MPO: variants seen among roughly 807,000 people sequenced by gnomAD.
MPO encodes the protein myeloperoxidase.
A neutral mutation model predicts 69.4 loss-of-function variants in MPO; 57 were observed. That is an observed-to-expected ratio of 0.82 (90% CI 0.66 to 1.02). The LOEUF is 1.02. Ranked by LOEUF, MPO falls within the 50% of genes least tolerant of loss-of-function variation. The probability of loss-of-function intolerance (pLI) is 0.00; values close to 1 mark genes in which losing one functional copy is unlikely to be tolerated. For missense variants in MPO, 971 were observed against 1,014.1 expected (o/e 0.96, Z 0.58); for synonymous variants, 426 against 417.1 (o/e 1.02, Z -0.26).
At chr17:58,272,577 G>T (rs1193911665) in intron 10 of MPO, among the ~76,000 whole-genome samples, 171 bp downstream of exon 10, 1 of 152,212 alleles carries the variant, frequency 6.6e-6, no homozygotes, top group African/African-American at 2.4e-5. Context: ...AATTTATCAG[G>T]TGGGTCCGGG....
rs1970429167 is a variant in MPO at position 58,275,783 on chromosome 17, CA to C, written c.1205-82del. 1.9e-6 allele frequency: 3 copies of C among 1,554,930 alleles called. No individual in the cohort carries two copies. Among genetic ancestry groups the C allele is most frequent in the Non-Finnish European group, 2.6e-6 (3 of 1,140,504 alleles). On this transcript the variant is annotated intron_variant, in intron 7 of 11. Transcript: ENST00000225275. The surrounding 1 kb of genome is among the most constrained non-coding windows in gnomAD (Gnocchi z 4.1). ...GCTCCACTGAAACCCCCTCCCCAGCCAAGGCCTGAAATGCCTCCTACTCACC... is the reference window on the plus strand; with the variant it reads ...GCTCCACTGAAACCCCCTCCCCAGCCAGGCCTGAAATGCCTCCTACTCACC...
In MPO at chr17:58,275,402, T is replaced by C; in HGVS notation, c.1365+140A>G. The C allele has an allele frequency of 1.9e-6, 2 of 1,057,918 alleles. No individual in the cohort carries two copies. The highest frequency in any genetic ancestry group is 2.7e-5 in the South Asian group (2 of 73,470). The allele number at this position is 1,057,918 out of a possible 1,614,324, so 65.5% of individuals were successfully genotyped here. A position where few individuals can be genotyped will look rare whatever the true frequency, so the allele number is the denominator to read the frequency against. On this transcript the variant is annotated intron_variant, in intron 8 of 11. Coordinates refer to ENST00000225275, the MANE Select transcript of MPO (RefSeq NM_000250.2). This position sits in a 1 kb window ranked among gnomAD's most constrained non-coding sequence, Gnocchi z 4.1. Reference sequence around the variant, plus strand: ...ACTTACTATCTGAAAGGTGTTTTCATATATGTATTATAATCCTTACAGCCT... The same window carrying C: ...ACTTACTATCTGAAAGGTGTTTTCACATATGTATTATAATCCTTACAGCCT...
At chr17:58,272,962 T>C (rs759041226) in intron 9 of MPO, 44 bp from the exon 10 acceptor site, 2 of 1,608,600 alleles carry the variant, frequency 1.2e-6, no homozygotes, top group Non-Finnish European at 1.7e-6. Context: ...TCTGGCTCAG[T>C]ATCAGAGCTC....
At chr17:58,278,605 T>C (rs1457444763) in intron 6 of MPO, among the ~76,000 whole-genome samples, 1 of 151,862 alleles carries the variant, frequency 6.6e-6, no homozygotes, top group African/African-American at 2.4e-5. Flanking sequence ...TCTCTTTCTG[T>C]GTGATGGGGG....
rs1031444685 is a variant in MPO at position 58,279,067 on chromosome 17, C to T, written c.826G>A (p.Val276Ile). The T allele has an allele frequency of 1.2e-6, 2 of 1,613,000 alleles. No homozygotes were observed. The highest frequency in any genetic ancestry group is 8.5e-7 in the Non-Finnish European group (1 of 1,179,714). ...CTGGTCTCGCAGTTGACGCCAGTGA[C>T]GAAGGAGGCCCGGGCGGCCGGCTCA... Reference protein sequence around the residue: ...TPEPAARASFVTGVNCETSCV... With the variant: ...TPEPAARASFITGVNCETSCV... Residue 276 changes from valine (V) to isoleucine (I), a missense_variant, in exon 6 of 12, where the codon GTC becomes ATC. Physicochemically the swap from Val to Ile is conservative, Grantham distance 29. Transcript: ENST00000225275.
Position 58,270,311 on chromosome 17 carries a change from A to T in MPO, c.*345T>A. On this transcript the variant is annotated 3_prime_UTR_variant, in exon 12 of 12. Transcript: ENST00000225275. The surrounding 1 kb of genome is among the most constrained non-coding windows in gnomAD (Gnocchi z 4.1). ...AGGTCACATAGCTAGCAAGCCACAG[A>T]GCCAGGATTGGAACCCAGGCAGTCT... 1 of 362,492 alleles carries T rather than the reference A, an allele frequency of 2.8e-6. No individual in the cohort carries two copies. The highest frequency in any genetic ancestry group is 5.3e-6 in the Non-Finnish European group (1 of 188,862). 22.5% of individuals were successfully genotyped at this position (362,492 alleles called of 1,614,324 possible). A position where few individuals can be genotyped will look rare whatever the true frequency, so the allele number is the denominator to read the frequency against.
intron 2 of MPO, 99 bp from the exon 3 acceptor site, chr17:58,280,113 C>T: frequency 6.7e-7 from 1 of 1,502,390 alleles, no homozygotes. Context: ...TGCAGGCAGG[C>T]CCACGGGTGG....
chr17:58,275,530 A>C lies in MPO; in HGVS notation c.1365+12T>G. 6.2e-7 allele frequency: 1 copy of C among 1,614,104 alleles called. No individual in the cohort carries two copies. Among genetic ancestry groups the C allele is most frequent in the Non-Finnish European group, 8.5e-7 (1 of 1,180,008 alleles). On this transcript the variant is annotated intron_variant, in intron 8 of 11. Transcript: ENST00000225275. The surrounding 1 kb of genome is among the most constrained non-coding windows in gnomAD (Gnocchi z 4.1). Reference sequence around the variant, plus strand: ...TCTGGATCCCGTGTGCCCGGTGTTCAAGACGGCCTACCTGGACCATGGCCC... The same window carrying C: ...TCTGGATCCCGTGTGCCCGGTGTTCCAGACGGCCTACCTGGACCATGGCCC...
chr17:58,275,838 T>G lies in MPO; in HGVS notation c.1205-136A>C. On this transcript the variant is annotated intron_variant, in intron 7 of 11. Transcript: ENST00000225275. This position sits in a 1 kb window ranked among gnomAD's most constrained non-coding sequence, Gnocchi z 4.1. ...CCTCCCCATCCATCTTTTCAAACTA[T>G]CCCCAATTTACACTCCTCTAGGAGG... The G allele has an allele frequency of 9.1e-7, 1 of 1,095,368 alleles. No homozygotes were observed. The highest frequency in any genetic ancestry group is 1.3e-6 in the Non-Finnish European group (1 of 743,406). The allele number at this position is 1,095,368 out of a possible 1,614,324, so 67.9% of individuals were successfully genotyped here. A position where few individuals can be genotyped will look rare whatever the true frequency, so the allele number is the denominator to read the frequency against.
chr17:58,272,944 G>T (rs1970386283), intron 9 of MPO, 26 bp from the exon 10 acceptor site: 1 of 1,613,348 alleles, frequency 6.2e-7, no homozygotes, highest in South Asian at 1.1e-5. Flanking sequence ...GCCAGGTCAG[G>T]GGAAGTATCT....
Position 58,275,719 on chromosome 17 carries a change from C to G in MPO, c.1205-17G>C, listed in dbSNP as rs1490072676. 2.5e-6 allele frequency: 4 copies of G among 1,614,068 alleles called. No homozygotes were observed. The highest frequency in any genetic ancestry group is 1.1e-5 in the South Asian group (1 of 91,074). Reference sequence around the variant, plus strand: ...GGGTGTCCCCTTGGGGAGGCAAAAGCCACTGTCATTCTTAAGGCCTCCATC... The same window carrying G: ...GGGTGTCCCCTTGGGGAGGCAAAAGGCACTGTCATTCTTAAGGCCTCCATC... On this transcript the variant is annotated splice_polypyrimidine_tract_variant and intron_variant, in intron 7 of 11. Transcript: ENST00000225275. This position sits in a 1 kb window ranked among gnomAD's most constrained non-coding sequence, Gnocchi z 4.1.
chr17:58,278,043 TC>T lies in MPO; in HGVS notation c.987del (p.Ile330SerfsTer104). ...TCCACGAAGGAAGTGAGCGCGTTGA[TC>T]TGGTTGCGGATGGTGATGTTGCTCC... Reference protein sequence around the residue: ...CPGSNITIRNQINALTSFVDA... With the variant: ...CPGSNITIRNXINALTSFVDA... On this transcript the variant is annotated frameshift_variant, in exon 7 of 12. Transcript: ENST00000225275. LOFTEE classifies it high-confidence loss of function. The T allele has an allele frequency of 6.2e-7, 1 of 1,613,472 alleles. No homozygotes were observed. The highest frequency in any genetic ancestry group is 8.5e-7 in the Non-Finnish European group (1 of 1,180,022).
rs372446639 is a variant in MPO at position 58,279,037 on chromosome 17, C to T, written c.856G>A (p.Val286Ile). ...AGCGGGAAGCAGGGCGGCTGCTGAA[C>T]GCAGCTGGTCTCGCAGTTGACGCCA... ...VTGVNCETSC[V>I]QQPPCFPLKI... The change falls in exon 6 of 12, where the codon GTT becomes ATT. Residue 286 changes from valine to isoleucine, a missense_variant. Transcript: ENST00000225275. The T allele has an allele frequency of 3.7e-6, 6 of 1,611,814 alleles. No individual in the cohort carries two copies. In the African/African-American group the frequency reaches 6.7e-5, roughly 18 times the overall value.
rs143631222 is a variant in MPO, at chr17:58,270,284, C to T, written c.*372G>A. The T allele has an allele frequency of 1.9e-4, 63 of 339,514 alleles. No homozygotes were observed. The highest frequency in any genetic ancestry group is 1.3e-3 in the African/African-American group (61 of 47,174). 21.0% of individuals were successfully genotyped at this position (339,514 alleles called of 1,614,324 possible). On this transcript the variant is annotated 3_prime_UTR_variant, in exon 12 of 12. Transcript: ENST00000225275. The surrounding 1 kb of genome is among the most constrained non-coding windows in gnomAD (Gnocchi z 4.1). ...TCTTGTTTAAGGAGGGTAATTTGCT[C>T]AAGGTCACATAGCTAGCAAGCCACA...
Position 58,271,890 on chromosome 17 carries a change from A to G in MPO, c.1795T>C (p.Tyr599His), listed in dbSNP as rs1418381563. Reference sequence around the variant, plus strand: ...CCACAGAAGCGCCTCCAGGCATTGTATCCTGCATGGGGGAGGGGACAGGTG... The same window carrying G: ...CCACAGAAGCGCCTCCAGGCATTGTGTCCTGCATGGGGGAGGGGACAGGTG... ...QRSRDHGLPG[Y>H]NAWRRFCGLP... The change falls in exon 11 of 12, where the codon TAC becomes CAC. Residue 599 changes from tyrosine to histidine, a missense_variant and splice_region_variant. By Grantham distance (83) the Tyr-to-His change is moderately conservative. Coordinates refer to ENST00000225275, the MANE Select transcript of MPO (RefSeq NM_000250.2). The G allele has an allele frequency of 3.7e-6, 6 of 1,613,866 alleles. No individual in the cohort carries two copies. The East Asian group carries it at 8.9e-5, about 24-fold the overall frequency.
chr17:58,279,162 G>T lies in MPO; in HGVS notation c.731C>A (p.Pro244Gln), dbSNP rs750849138. ...IVRFPTDQLT[P>Q]DQERSLMFMQ... ...GAACATGAGTGAGCGCTCCTGGTCC[G>T]GAGTCAGCTGATCAGTGGGGAAGCG... The change falls in exon 6 of 12, where the codon CCG becomes CAG. Residue 244 changes from proline (P) to glutamine (Q), a missense_variant. By Grantham distance (76) the Pro-to-Gln change is moderately conservative (BLOSUM62 -1). Coordinates refer to ENST00000225275, the MANE Select transcript of MPO (RefSeq NM_000250.2). 6.2e-7 allele frequency: 1 copy of T among 1,611,896 alleles called. No individual in the cohort carries two copies. Among genetic ancestry groups the T allele is most frequent in the African/African-American group, 1.3e-5 (1 of 75,042 alleles).
chr17:58,271,366 T>G (rs180868185), intron 11 of MPO, among the ~76,000 whole-genome samples: 3 of 152,290 alleles, frequency 2.0e-5, no homozygotes, highest in Non-Finnish European at 4.4e-5. Context: ...CACTGGTGAC[T>G]GACACCCACA....
rs924154913 is a variant in MPO, at chr17:58,272,661, A to T, written c.1792+87T>A. The T allele has an allele frequency of 6.1e-6, 9 of 1,484,824 alleles. No individual in the cohort carries two copies. In the African/African-American group the frequency reaches 1.1e-4, roughly 18 times the overall value. The allele number at this position is 1,484,824 out of a possible 1,614,324, so 92.0% of individuals were successfully genotyped here. A position where few individuals can be genotyped will look rare whatever the true frequency, so the allele number is the denominator to read the frequency against. On this transcript the variant is annotated intron_variant, in intron 10 of 11. Coordinates refer to ENST00000225275, the MANE Select transcript of MPO (RefSeq NM_000250.2). Reference sequence around the variant, plus strand: ...CTAATATGCTTTGGAGAGGGCAGGGACCCTAGAGTGGGAAGGGGGGTGATG... The same window carrying T: ...CTAATATGCTTTGGAGAGGGCAGGGTCCCTAGAGTGGGAAGGGGGGTGATG...
intron 2 of MPO, 87 bp from the exon 3 acceptor site, chr17:58,280,101 C>T: frequency 6.4e-7 from 1 of 1,562,430 alleles, no homozygotes; most frequent in East Asian, 2.2e-5. Context: ...CATGCAGGAC[C>T]ATGCAGGCAG....
Sources: allele counts gnomAD v4.1 joint callset (sites outside exome capture counted in the v4.1 genomes callset), GRCh38; gene constraint gnomAD v4.1.1; non-coding constraint Gnocchi (gnomAD v3.1); transcripts MANE v1.5; gene names NCBI Gene and HGNC (gene_info 2026-07-23, HGNC 2026-07-21).